The following KDR variants were observed in gnomAD, a reference collection of about 807,000 sequenced individuals.
KDR encodes vascular endothelial growth factor receptor 2.
In KDR, 43 loss-of-function variants were observed where a neutral mutation model predicts 160.9. The observed-to-expected ratio is 0.27, with a 90% CI of 0.21 to 0.34. The LOEUF (loss-of-function observed/expected upper bound fraction) is 0.34, where lower values mean the gene tolerates loss of function less well. KDR is among the 10% of genes least tolerant of loss of function. The pLI is 1.00. For synonymous variants in KDR, 617 were observed against 600.1 expected, an observed-to-expected ratio of 1.03 and a Z score of -0.41; for missense variants, 1,469 against 1,666.4, an observed-to-expected ratio of 0.88 and a Z score of 2.06.
rs2110027933 is a variant in KDR at position 55,110,682 on chromosome 4, G to C, written c.1063C>G (p.Leu355Val). 6.2e-7 allele frequency: 1 copy of C among 1,613,664 alleles called. No individual in the cohort carries two copies. Among genetic ancestry groups the C allele is most frequent in the East Asian group, 2.2e-5 (1 of 44,852 alleles). ...TTTATTTCTGGGGGTGGGTAACCAA[G>C]GTACTTCGCAGGGATTCTGACACGC... ...GERVRIPAKYLGYPPPEIKWY... is the reference protein window; with the variant it reads ...GERVRIPAKYVGYPPPEIKWY... Residue 355 changes from leucine to valine, a missense_variant, in exon 8 of 30, where the codon CTT (leucine) becomes GTT (valine). Leu to Val is a conservative substitution (Grantham distance 32). This residue lies in a region of KDR where 792 missense variants were observed against 840.9 expected (regional missense o/e 0.94). Coordinates refer to ENST00000263923, the MANE Select transcript of KDR (RefSeq NM_002253.4).
At chr4:55,103,623 T>C (rs377280636) in intron 13 of KDR, among the ~76,000 whole-genome samples, 38 of 152,212 alleles carry the variant, frequency 2.5e-4, no homozygotes, top group African/African-American at 8.9e-4. Flanking sequence ...CCCCAAAGTA[T>C]CTCTTATTAT....
chr4:55,106,535 T>C, intron 11 of KDR, 152 bp downstream of exon 11: 1 of 660,804 alleles, frequency 1.5e-6, no homozygotes, highest in South Asian at 1.8e-5. Flanking sequence ...ATGGTACTGC[T>C]AAAAGTCAAT....
chr4:55,124,948 G>A (rs1578142715), intron 1 of KDR, among the ~76,000 whole-genome samples: 1 of 152,176 alleles, frequency 6.6e-6, no homozygotes, highest in South Asian at 2.1e-4. Context: ...AAGAGCCTGA[G>A]GGTGTGTCGG....
At chr4:55,111,162 CTCTT>C (rs1560521657) in intron 7 of KDR, among the ~76,000 whole-genome samples, 1 of 152,198 alleles carries the variant, frequency 6.6e-6, no homozygotes, top group Non-Finnish European at 1.5e-5. Flanking sequence ...CTCAGACCTC[CTCTT>C]TATTTACACC....
In KDR at chr4:55,089,679, G is replaced by C. The variant is rs2110010862; in HGVS notation, c.3304+12C>G. The C allele has an allele frequency of 6.2e-7, 1 of 1,607,222 alleles. No homozygotes were observed. Among genetic ancestry groups the C allele is most frequent in the East Asian group, 2.2e-5 (1 of 44,818 alleles). ...TGGAGTCTGGATGGAAGGACAAAAA[G>C]AAATGACTTACCTAAGGAAAATATT... On this transcript the variant is annotated intron_variant, in intron 24 of 29. Transcript: ENST00000263923.
chr4:55,116,094 A>G (rs528006087), intron 3 of KDR, among the ~76,000 whole-genome samples: 2 of 152,294 alleles, frequency 1.3e-5, no homozygotes, highest in African/African-American at 4.8e-5. Flanking sequence ...ACATTTGAAA[A>G]GTCACCACTC....
intron 3 of KDR, 31 bp downstream of exon 3, chr4:55,118,573 C>A: frequency 6.5e-7 from 1 of 1,537,912 alleles, no homozygotes; most frequent in Non-Finnish European, 9.0e-7. Context: ...GGTAAAGAGA[C>A]GTGGGAAATG....
chr4:55,123,919 CTG>C (rs1720960568), intron 1 of KDR, among the ~76,000 whole-genome samples: 1 of 152,244 alleles, frequency 6.6e-6, no homozygotes, highest in South Asian at 2.1e-4. Context: ...GGCGACCGGC[CTG>C]CCGTTACTAC....
At chr4:55,099,163 A>G (rs181634248) in intron 15 of KDR, among the ~76,000 whole-genome samples, 2 of 151,862 alleles carry the variant, frequency 1.3e-5, no homozygotes, top group African/African-American at 4.8e-5. Context: ...CTACAGGTGC[A>G]TACCACCAAG....
intron 7 of KDR, 114 bp from the exon 8 acceptor site, chr4:55,110,882 C>G (rs542406603): frequency 7.4e-6 from 6 of 805,804 alleles, no homozygotes; most frequent in African/African-American, 1.7e-5. Flanking sequence ...GCTGCAGTTC[C>G]AAGATTTCCT....
intron 2 of KDR, among the ~76,000 whole-genome samples, chr4:55,120,538 C>T (rs1720843835): frequency 6.6e-6 from 1 of 152,090 alleles, no homozygotes; most frequent in Non-Finnish European, 1.5e-5. Flanking sequence ...CAAGGCAGGG[C>T]CCGAAGTCCA....
intron 27 of KDR, among the ~76,000 whole-genome samples, chr4:55,086,797 C>T (rs1016713662): frequency 1.1e-4 from 17 of 152,190 alleles, no homozygotes; most frequent in African/African-American, 3.9e-4. Context: ...AGCTCCCTGC[C>T]CCTCCCTGCA....
At chr4:55,098,311 T>G (rs1175830114) in intron 16 of KDR, 39 bp from the exon 17 acceptor site, 2 of 1,612,620 alleles carry the variant, frequency 1.2e-6, no homozygotes, top group Admixed American at 3.3e-5. Context: ...AACACACTGT[T>G]GTTTGGCTGT....
chr4:55,118,877 G>A (rs1023634238), intron 2 of KDR, 77 bp from the exon 3 acceptor site: 1 of 1,319,896 alleles, frequency 7.6e-7, no homozygotes, highest in Admixed American at 1.8e-5. Context: ...GAGAAAATTT[G>A]GTTTTGAAAC....
chr4:55,101,991 G>A lies in KDR; in HGVS notation c.2172C>T (p.Ile724=), dbSNP rs745987131. The stretch of plus-strand genomic sequence containing the variant: ...CTTCGTCCTCCTTCCTCACTCTGCG[G>A]ATAGTGAGGTTCCGGTTCCCATCCT... The part of the protein sequence containing the change: ...VLKDGNRNLT[I]RRVRKEDEGL... Residue 724 remains isoleucine (I), a synonymous_variant, in exon 15 of 30, where the codon ATC becomes ATT. Transcript: ENST00000263923. 8 of 1,612,746 alleles carry A rather than the reference G, an allele frequency of 5.0e-6. No homozygotes were observed. The South Asian group carries it at 6.6e-5, about 13-fold the overall frequency.
Position 55,101,964 on chromosome 4 carries a change from G to A in KDR, c.2199C>T (p.Gly733=), listed in dbSNP as rs562267427. 6 of 1,613,688 alleles carry A rather than the reference G, an allele frequency of 3.7e-6. No individual in the cohort carries two copies. In the South Asian group the frequency reaches 6.6e-5, roughly 18 times the overall value. The change falls in exon 15 of 30, where the codon GGC becomes GGT. Residue 733 remains glycine, a synonymous_variant. Transcript: ENST00000263923. The part of the protein sequence containing the change: ...TIRRVRKEDE[G]LYTCQACSVL... ...CACTGCATGCCTGGCAGGTGTAGAGGCCTTCGTCCTCCTTCCTCACTCTGC... is the reference window on the plus strand; with the variant it reads ...CACTGCATGCCTGGCAGGTGTAGAGACCTTCGTCCTCCTTCCTCACTCTGC...
chr4:55,087,571 A>C, intron 27 of KDR, 36 bp downstream of exon 27: 4 of 1,607,050 alleles, frequency 2.5e-6, no homozygotes, highest in Non-Finnish European at 3.4e-6. Context: ...CCTTGAAGTC[A>C]CCCTCCCCCG....
intron 7 of KDR, among the ~76,000 whole-genome samples, chr4:55,111,379 T>G (rs1483380741): frequency 6.6e-6 from 1 of 152,188 alleles, no homozygotes; most frequent in African/African-American, 2.4e-5. Flanking sequence ...AATAACACCA[T>G]CATTTACTCA....
Position 55,088,859 on chromosome 4 carries a change from G to A in KDR, c.3510+9C>T, listed in dbSNP as rs2110010062. 6.3e-7 allele frequency: 1 copy of A among 1,598,716 alleles called. No homozygotes were observed. Among genetic ancestry groups the A allele is most frequent in the Non-Finnish European group, 8.6e-7 (1 of 1,165,894 alleles). On this transcript the variant is annotated intron_variant, in intron 26 of 29. Transcript: ENST00000263923. Reference sequence around the variant, plus strand: ...CTTTGTAGGTGCTTCTTGGATGGAGGTGACAAACCTGCTGAGCATTAGCTT... The same window carrying A: ...CTTTGTAGGTGCTTCTTGGATGGAGATGACAAACCTGCTGAGCATTAGCTT...
Sources: gnomAD v4.1 joint callset for allele counts (sites outside exome capture counted in the v4.1 genomes callset) on GRCh38, gnomAD v4.1.1 for gene constraint, gnomAD v4.1.1 regional missense constraint, MANE v1.5 for transcripts, NCBI Gene and HGNC (gene_info 2026-07-23, HGNC 2026-07-21) for gene names.